Variants in RNF216 observed in about 807,000 individuals in gnomAD.
RNF216 encodes the protein E3 ubiquitin-protein ligase RNF216.
A neutral mutation model predicts 110.8 loss-of-function variants in RNF216; 72 were observed. That is an observed-to-expected ratio of 0.65 (90% CI 0.54 to 0.79). The LOEUF (loss-of-function observed/expected upper bound fraction) is 0.79. Ranked by LOEUF, RNF216 falls within the 30% of genes least tolerant of loss-of-function variation. The pLI, the probability that RNF216 is intolerant of heterozygous loss-of-function variation, is 0.00. For missense variants in RNF216, 1,342 were observed against 1,141.2 expected (o/e 1.18, Z -2.54); for synonymous variants, 495 against 407.5 (o/e 1.21, Z -2.59).
At chr7:5,687,731 G>A (rs1264296250) in intron 13 of RNF216, among the ~76,000 whole-genome samples, 1 of 152,208 alleles carries the variant, frequency 6.6e-6, no homozygotes, top group Non-Finnish European at 1.5e-5. Flanking sequence ...TACTTTCCAA[G>A]CATCTAAGGA....
At chr7:5,706,434 T>C (rs1299471819) in intron 13 of RNF216, among the ~76,000 whole-genome samples, 4 of 152,208 alleles carry the variant, frequency 2.6e-5, no homozygotes, top group Admixed American at 6.5e-5. Context: ...TGTGTTTCTA[T>C]GAGTCTGACT....
intron 1 of RNF216, among the ~76,000 whole-genome samples, chr7:5,761,863 CT>C (rs1795952643): frequency 6.6e-6 from 1 of 151,846 alleles, no homozygotes; most frequent in South Asian, 2.1e-4. Context: ...GGGAAATCAT[CT>C]TATACATTGC....
intron 15 of RNF216, among the ~76,000 whole-genome samples, chr7:5,634,939 G>A (rs989872279): frequency 8.5e-5 from 13 of 152,166 alleles, no homozygotes; most frequent in African/African-American, 2.9e-4. Context: ...CATCCATGGG[G>A]AAAGAGTCTG....
intron 5 of RNF216, among the ~76,000 whole-genome samples, chr7:5,738,043 C>G (rs188496190): frequency 1.2e-4 from 17 of 137,174 alleles, no homozygotes; most frequent in African/African-American, 4.5e-4. Context: ...AAGCCAAGAT[C>G]GCACCACTGC....
At chr7:5,650,518 T>C (rs1364187754) in intron 14 of RNF216, among the ~76,000 whole-genome samples, 1 of 152,158 alleles carries the variant, frequency 6.6e-6, no homozygotes, top group Non-Finnish European at 1.5e-5. Flanking sequence ...AGAGTATGTT[T>C]GCTGCTCATT....
intron 14 of RNF216, 127 bp downstream of exon 14, chr7:5,652,286 C>T: frequency 1.5e-6 from 1 of 678,352 alleles, no homozygotes; most frequent in Admixed American, 2.3e-5. Flanking sequence ...ATTACTTCCC[C>T]AAGATCACTC....
At chr7:5,658,675 AT>A (rs1202684693) in intron 13 of RNF216, among the ~76,000 whole-genome samples, 26 of 146,892 alleles carry the variant, frequency 1.8e-4, no homozygotes, top group African/African-American at 5.0e-4. Flanking sequence ...AAAAAAAAAA[AT>A]TTTTTTAACT....
At chr7:5,648,013 C>T (rs746969171) in intron 14 of RNF216, among the ~76,000 whole-genome samples, 8 of 152,108 alleles carry the variant, frequency 5.3e-5, no homozygotes, top group Non-Finnish European at 8.8e-5. Flanking sequence ...CACTGCATAG[C>T]TCTGGGTGTT....
chr7:5,701,350 G>A (rs1791958554), intron 13 of RNF216, among the ~76,000 whole-genome samples: 1 of 152,140 alleles, frequency 6.6e-6, no homozygotes, highest in Admixed American at 6.5e-5. Context: ...GCCCACTTTA[G>A]GGGAACTCCA....
chr7:5,775,854 G>A (rs1458561160), intron 1 of RNF216, among the ~76,000 whole-genome samples: 2 of 150,580 alleles, frequency 1.3e-5, no homozygotes, highest in African/African-American at 4.9e-5. Flanking sequence ...GGGTGACAGA[G>A]CGAGATTCCA....
At chr7:5,632,130 G>C (rs1787111752) in intron 15 of RNF216, among the ~76,000 whole-genome samples, 1 of 152,204 alleles carries the variant, frequency 6.6e-6, no homozygotes, top group Admixed American at 6.5e-5. Context: ...CTGGACAGCG[G>C]TCTATAGAGG....
intron 13 of RNF216, among the ~76,000 whole-genome samples, chr7:5,663,409 G>T (rs1489120054): frequency 6.6e-6 from 1 of 151,802 alleles, no homozygotes; most frequent in African/African-American, 2.4e-5. Flanking sequence ...TGAAACCCCC[G>T]TCTCTACTAA....
intron 13 of RNF216, among the ~76,000 whole-genome samples, chr7:5,665,629 C>T (rs1789459303): frequency 6.6e-6 from 1 of 152,010 alleles, no homozygotes; most frequent in African/African-American, 2.4e-5. Context: ...CCACACATAG[C>T]TGCCGGCTTT....
At chr7:5,656,909 C>G (rs758913755) in intron 13 of RNF216, among the ~76,000 whole-genome samples, 1 of 152,144 alleles carries the variant, frequency 6.6e-6, no homozygotes, top group African/African-American at 2.4e-5. Context: ...TCCTCCAAGC[C>G]CAGCAAGTGT....
chr7:5,647,328 CT>C (rs10617479), intron 14 of RNF216, among the ~76,000 whole-genome samples: 33,739 of 94,924 alleles, frequency 0.36, 4,474 homozygotes, highest in East Asian at 0.66. Flanking sequence ...TTCTTTCTTT[CT>C]TTTTTTTTTT....
intron 13 of RNF216, among the ~76,000 whole-genome samples, chr7:5,674,242 C>A (rs1044487269): frequency 6.6e-6 from 1 of 152,022 alleles, no homozygotes; most frequent in African/African-American, 2.4e-5. Flanking sequence ...GTTGGTCAGG[C>A]TGGTCTCACA....
At chr7:5,740,104 CTTT>C (rs71004698) in intron 4 of RNF216, among the ~76,000 whole-genome samples, 30 of 118,420 alleles carry the variant, frequency 2.5e-4, no homozygotes, top group African/African-American at 1.0e-3. Flanking sequence ...GATGTAACAC[CTTT>C]TTTTTTTTTT....
At chr7:5,756,059 C>G (rs547859856) in intron 2 of RNF216, among the ~76,000 whole-genome samples, 1 of 152,218 alleles carries the variant, frequency 6.6e-6, no homozygotes, top group South Asian at 2.1e-4. Flanking sequence ...ACGAGCGGGA[C>G]AGGTGGAGGT....
At chr7:5,697,764 A>G (rs1322822170) in intron 13 of RNF216, among the ~76,000 whole-genome samples, 1 of 152,192 alleles carries the variant, frequency 6.6e-6, no homozygotes, top group Admixed American at 6.5e-5. Flanking sequence ...AGAAGCTAGG[A>G]GCACAACAGG....
Sources: gnomAD v4.1 joint callset for allele counts (sites outside exome capture counted in the v4.1 genomes callset) on GRCh38, gnomAD v4.1.1 for gene constraint, MANE v1.5 for transcripts, NCBI Gene and HGNC (gene_info 2026-07-23, HGNC 2026-07-21) for gene names.